PRKCH: variants seen among roughly 807,000 people sequenced by gnomAD.
The protein encoded by PRKCH is protein kinase C eta type.
Under a neutral mutation model 82.5 loss-of-function variants are expected in PRKCH, and 28 were observed. That is an observed-to-expected ratio of 0.34 (90% CI 0.25 to 0.47). PRKCH has a LOEUF of 0.47. Ranked by LOEUF, PRKCH falls within the 20% of genes least tolerant of loss-of-function variation. PRKCH has a pLI of 1.00. For synonymous variants in PRKCH, 322 were observed against 327.4 expected (o/e 0.98, Z 0.18); for missense variants, 705 against 881.8 (o/e 0.80, Z 2.54).
intron 1 of PRKCH, among the ~76,000 whole-genome samples, chr14:61,228,404 C>T (rs76897753): frequency 0.01 from 1,572 of 152,294 alleles, 16 homozygotes; most frequent in Middle Eastern, 0.041. Flanking sequence ...AGCCCTCCTC[C>T]CTCCTCATAG....
At chr14:61,461,786 C>T (rs1885039353) in intron 9 of PRKCH, among the ~76,000 whole-genome samples, 1 of 152,204 alleles carries the variant, frequency 6.6e-6, no homozygotes, top group Non-Finnish European at 1.5e-5. Flanking sequence ...ATCAATATAG[C>T]ATATGCAATC....
chr14:61,458,666 C>T (rs1292872569), intron 9 of PRKCH, among the ~76,000 whole-genome samples: 3 of 152,066 alleles, frequency 2.0e-5, no homozygotes, highest in Admixed American at 6.5e-5. Flanking sequence ...TTCCACAGGC[C>T]GTACAGGAGG....
At chr14:61,225,775 G>A (rs1367979857) in intron 1 of PRKCH, among the ~76,000 whole-genome samples, 1 of 150,250 alleles carries the variant, frequency 6.7e-6, no homozygotes. Flanking sequence ...GTCTTGCTCT[G>A]TTGTGCAGGC....
At chr14:61,377,749 C>T (rs2046444645) in intron 1 of PRKCH, among the ~76,000 whole-genome samples, 1 of 152,226 alleles carries the variant, frequency 6.6e-6, no homozygotes, top group East Asian at 1.9e-4. Flanking sequence ...CTCCTTTGGC[C>T]TTTCCACTGC....
intron 1 of PRKCH, among the ~76,000 whole-genome samples, chr14:61,196,075 T>C (rs1472409591): frequency 6.6e-6 from 1 of 151,868 alleles, no homozygotes; most frequent in Non-Finnish European, 1.5e-5. Flanking sequence ...ACAACATGGG[T>C]TGTTGAAATG....
At chr14:61,549,434 C>T (rs2043299536) in intron 13 of PRKCH, among the ~76,000 whole-genome samples, 1 of 152,210 alleles carries the variant, frequency 6.6e-6, no homozygotes, top group Admixed American at 6.5e-5. Flanking sequence ...CTTAGCCTCC[C>T]ATTAAGACAG....
At chr14:61,399,600 A>G (rs1461029672) in intron 2 of PRKCH, among the ~76,000 whole-genome samples, 1 of 152,230 alleles carries the variant, frequency 6.6e-6, no homozygotes, top group Non-Finnish European at 1.5e-5. Flanking sequence ...GTTCTCACTC[A>G]CAGTGAATGA....
rs1411604433 is a variant in PRKCH at position 61,547,793 on chromosome 14, C to T, written c.1812C>T (p.Gly604=). The T allele has an allele frequency of 1.5e-5, 25 of 1,614,072 alleles. No homozygotes were observed. The highest frequency in any genetic ancestry group is 1.6e-4 in the Middle Eastern group (1 of 6,084). Residue 604 remains glycine, a synonymous_variant, in exon 13 of 14, where the codon GGC becomes GGT. Transcript: ENST00000332981. ...TMRLGSLTQG[G]EHAILRHPFF... The stretch of plus-strand genomic sequence containing the variant: ...GCTTGGGCAGCCTGACTCAGGGAGG[C>T]GAGCACGCCATCTTGAGACATCCTT...
chr14:61,232,049 C>T (rs1292462783), intron 1 of PRKCH, among the ~76,000 whole-genome samples: 1 of 152,172 alleles, frequency 6.6e-6, no homozygotes, highest in Non-Finnish European at 1.5e-5. Flanking sequence ...ACAGCCACCT[C>T]CCCAACTGCC....
intron 12 of PRKCH, among the ~76,000 whole-genome samples, chr14:61,535,372 G>T (rs749477818): frequency 4.6e-5 from 7 of 152,164 alleles, no homozygotes; most frequent in Admixed American, 6.5e-5. Context: ...AAAATCCAAG[G>T]TTCTTTGAAA....
At chr14:61,332,929 G>A (rs1200949895) in intron 1 of PRKCH, among the ~76,000 whole-genome samples, 1 of 152,180 alleles carries the variant, frequency 6.6e-6, no homozygotes, top group Non-Finnish European at 1.5e-5. Context: ...TCCTTCCGGT[G>A]TCAGAGTTTT....
chr14:61,304,660 T>TA (rs111426448), intron 1 of PRKCH: 54 of 145,832 alleles, frequency 3.7e-4, no homozygotes, highest in South Asian at 4.4e-4. Context: ...ACCCCATCTC[T>TA]AAAAAAAAAA....
chr14:61,270,746 G>A lies in PRKCH; in HGVS notation c.-19+83078G>A, dbSNP rs187219655. ...CCAGCACGTAGTGAGACTGAGGAGG[G>A]AGGACTGCATAAACCCAGGAGTTGG... On this transcript the variant is annotated intron_variant, in intron 1 of 3. Transcript: ENST00000555185. Among the ~76,000 whole-genome samples, 23 of 152,316 alleles carry A rather than the reference G, an allele frequency of 1.5e-4. No homozygotes were observed. In the East Asian group the frequency reaches 4.2e-3, roughly 28 times the overall value.
chr14:61,526,715 GAC>G (rs960143563), intron 10 of PRKCH, among the ~76,000 whole-genome samples: 2 of 152,228 alleles, frequency 1.3e-5, no homozygotes, highest in African/African-American at 4.8e-5. Flanking sequence ...CGAGTGCCCT[GAC>G]ACAACCCACA....
intron 1 of PRKCH, among the ~76,000 whole-genome samples, chr14:61,193,342 G>A (rs2044419554): frequency 6.6e-6 from 1 of 152,078 alleles, no homozygotes; most frequent in South Asian, 2.1e-4. Context: ...TTAGTATATT[G>A]GCAAGACATT....
At chr14:61,527,977 A>G (rs2042989342) in intron 10 of PRKCH, 2 of 151,666 alleles carry the variant, frequency 1.3e-5, no homozygotes, top group South Asian at 4.2e-4. Flanking sequence ...CTCTCCTCCC[A>G]CTAGAAGGAA....
chr14:61,468,559 G>A (rs973438342), intron 9 of PRKCH, among the ~76,000 whole-genome samples: 1 of 152,128 alleles, frequency 6.6e-6, no homozygotes, highest in Non-Finnish European at 1.5e-5. Flanking sequence ...GCTAAATAGG[G>A]CCACAAAAAT....
chr14:61,210,838 G>T (rs1413298264), intron 1 of PRKCH, among the ~76,000 whole-genome samples: 2 of 151,256 alleles, frequency 1.3e-5, no homozygotes, highest in Admixed American at 1.3e-4. Context: ...ATTCCATATT[G>T]CCTGGGTTGA....
Position 61,445,735 on chromosome 14 carries a change from A to C in PRKCH, c.613+9A>C, listed in dbSNP as rs1356040915. On this transcript the variant is annotated intron_variant, in intron 4 of 13. Coordinates refer to ENST00000332981, the MANE Select transcript of PRKCH (RefSeq NM_006255.5). ...GGGTTATCAGTGCCAAGGTAAGGAAACATTTTTAAAACCATGTTTCATTTT... is the reference window on the plus strand; with the variant it reads ...GGGTTATCAGTGCCAAGGTAAGGAACCATTTTTAAAACCATGTTTCATTTT... 6.2e-7 allele frequency: 1 copy of C among 1,602,786 alleles called. No individual in the cohort carries two copies. The highest frequency in any genetic ancestry group is 1.3e-5 in the African/African-American group (1 of 74,662).
Sources: allele counts gnomAD v4.1 joint callset (sites outside exome capture counted in the v4.1 genomes callset), GRCh38; gene constraint gnomAD v4.1.1; transcripts MANE v1.5; gene names NCBI Gene and HGNC (gene_info 2026-07-23, HGNC 2026-07-21).